MKI67: variants seen among roughly 807,000 people sequenced by gnomAD.
MKI67 encodes the protein marker of proliferation Ki-67, also known as proliferation marker protein Ki-67.
In MKI67, 152 loss-of-function variants were observed where a neutral mutation model predicts 233.5. The observed-to-expected ratio is 0.65, with a 90% CI of 0.57 to 0.74. MKI67 has a LOEUF of 0.74. MKI67 is among the 30% of genes least tolerant of loss of function. The pLI is 0.00. For synonymous variants in MKI67, 1,465 were observed against 1,418.5 expected (o/e 1.03, Z -0.74); for missense variants, 3,940 against 3,885.2 (o/e 1.01, Z -0.37).
Position 128,106,671 on chromosome 10 carries a change from A to G in MKI67, c.5169T>C (p.Thr1723=), listed in dbSNP as rs1372468725. The change falls in exon 13 of 15, where the codon ACT becomes ACC. Residue 1723 remains threonine (T), a synonymous_variant. Coordinates refer to ENST00000368654, the MANE Select transcript of MKI67 (RefSeq NM_002417.5). ...FIELFQTPSH[T]KESMTNEKTT... ...TTTTTTCGTTAGTCATTGATTCCTT[A>G]GTGTGACTTGGTGTCTGGAAGAGCT... The G allele has an allele frequency of 6.2e-7, 1 of 1,614,034 alleles. No homozygotes were observed. The highest frequency in any genetic ancestry group is 8.5e-7 in the Non-Finnish European group (1 of 1,180,018).
chr10:128,120,018 A>T (rs1049808644), intron 4 of MKI67, among the ~76,000 whole-genome samples: 4 of 152,226 alleles, frequency 2.6e-5, no homozygotes. Context: ...CCTAAGTAAG[A>T]TCTGAAGCAG....
At position 128,109,248 on chromosome 10, in the gene MKI67, C is replaced by T. The variant is rs757573007; in HGVS notation, c.2592G>A (p.Glu864=). Residue 864 remains glutamate, a synonymous_variant, in exon 13 of 15, where the codon GAG becomes GAA. Transcript: ENST00000368654. ...LETKTSDTET[E]PSKTVSTANR... is the part of the protein sequence containing the mutation. ...TTGCAGTGGATACTGTTTTTGAAGG[C>T]TCTGTCTCAGTATCTGAAGTTTTTG... 3.7e-6 allele frequency: 6 copies of T among 1,613,962 alleles called. No individual in the cohort carries two copies. Among genetic ancestry groups the T allele is most frequent in the Non-Finnish European group, 4.2e-6 (5 of 1,179,996 alleles).
intron 14 of MKI67, among the ~76,000 whole-genome samples, chr10:128,100,425 G>C (rs1466454673): frequency 6.6e-6 from 1 of 152,180 alleles, no homozygotes; most frequent in Non-Finnish European, 1.5e-5. Flanking sequence ...CTGGACAGCT[G>C]TACTTGCCAG....
Position 128,115,685 on chromosome 10 carries a change from A to G in MKI67, c.723T>C (p.Tyr241=), listed in dbSNP as rs1852787490. 6.2e-7 allele frequency: 1 copy of G among 1,613,950 alleles called. No individual in the cohort carries two copies. The highest frequency in any genetic ancestry group is 1.1e-5 in the South Asian group (1 of 91,076). ...KKNESPFWKL[Y]ESVKKELDVK... is the part of the protein sequence containing the mutation. ...CATCCAACTCTTTCTTCACTGACTC[A>G]TAAAGCTTCCAAAAGGGAGATTCAT... is the stretch of plus-strand genomic sequence containing the variant. The change falls in exon 7 of 15, where the codon TAT becomes TAC. Residue 241 remains tyrosine (Y), a synonymous_variant. Transcript: ENST00000368654.
At position 128,104,298 on chromosome 10, in the gene MKI67, C is replaced by T. The variant is rs773408406; in HGVS notation, c.7542G>A (p.Glu2514=). Residue 2514 remains glutamate, a synonymous_variant, in exon 13 of 15, where the codon GAG becomes GAA. Coordinates refer to ENST00000368654, the MANE Select transcript of MKI67 (RefSeq NM_002417.5). Reference sequence around the variant, plus strand: ...TGATGCTCTTACTATCTCCTGTTGGCTCTGTGTGTGTTTGCGTAGTCTCCC... The same window carrying T: ...TGATGCTCTTACTATCTCCTGTTGGTTCTGTGTGTGTTTGCGTAGTCTCCC... ...TSGETTQTHT[E]PTGDSKSIKA... is the part of the protein sequence containing the mutation. 6.2e-7 allele frequency: 1 copy of T among 1,614,120 alleles called. No individual in the cohort carries two copies.
At chr10:128,112,489 A>G (rs749256555) in intron 8 of MKI67, 44 bp from the exon 9 acceptor site, 1 of 1,564,392 alleles carries the variant, frequency 6.4e-7, no homozygotes, top group Non-Finnish European at 8.8e-7. Flanking sequence ...ACAAGGATCT[A>G]ACATCTCTGG....
rs780063245 is a variant in MKI67 at position 128,112,403 on chromosome 10, T to A, written c.1699A>T (p.Ile567Phe). 1.2e-6 allele frequency: 2 copies of A among 1,614,092 alleles called. No homozygotes were observed. Among genetic ancestry groups the A allele is most frequent in the African/African-American group, 2.7e-5 (2 of 74,938 alleles). The change falls in exon 9 of 15, where the codon ATC becomes TTC. Residue 567 changes from isoleucine (I) to phenylalanine (F), a missense_variant. Physicochemically the swap from Ile to Phe is conservative, Grantham distance 21 (BLOSUM62 0). Coordinates refer to ENST00000368654, the MANE Select transcript of MKI67 (RefSeq NM_002417.5). ...PSGKQESGSEIHVEVKAQSLV... is the reference protein window; with the variant it reads ...PSGKQESGSEFHVEVKAQSLV... ...CTTTGTGCCTTCACTTCCACATGGA[T>A]TTCTGAACCTGACTCTTGTTTTCCT...
At chr10:128,110,106 C>T (rs1203487856) in intron 12 of MKI67, among the ~76,000 whole-genome samples, 1 of 152,116 alleles carries the variant, frequency 6.6e-6, no homozygotes, top group African/African-American at 2.4e-5. Flanking sequence ...TTTGCTATGT[C>T]ACCCTGGTTA....
At chr10:128,116,607 T>A (rs1168132195) in intron 5 of MKI67, 71 bp from the exon 6 acceptor site, 10 of 1,416,124 alleles carry the variant, frequency 7.1e-6, no homozygotes, top group Non-Finnish European at 9.0e-6. Context: ...ACAGTGAAAA[T>A]ATTATTTATT....
chr10:128,125,736 A>ATCCGTAG lies in MKI67; in HGVS notation c.-70_-69insCTACGGA. The ATCCGTAG allele has an allele frequency of 2.2e-6, 3 of 1,344,300 alleles. No homozygotes were observed. Among genetic ancestry groups the ATCCGTAG allele is most frequent in the Non-Finnish European group, 3.2e-6 (3 of 934,960 alleles). The allele number at this position is 1,344,300 out of a possible 1,614,324, so 83.3% of individuals were successfully genotyped here. A position where few individuals can be genotyped will look rare whatever the true frequency, so the allele number is the denominator to read the frequency against. On this transcript the variant is annotated 5_prime_UTR_variant, in exon 2 of 15. Coordinates refer to ENST00000368654, the MANE Select transcript of MKI67 (RefSeq NM_002417.5). The surrounding 1 kb of genome is among the most constrained non-coding windows in gnomAD (Gnocchi z 5.3). The stretch of plus-strand genomic sequence containing the variant: ...GTATAATCCGTAGGGGAAGGCCAGA[A>ATCCGTAG]GCAAATTTACAACTCTTCCACTGCA...
intron 5 of MKI67, among the ~76,000 whole-genome samples, chr10:128,118,268 C>T (rs1185994597): frequency 6.6e-6 from 1 of 151,954 alleles, no homozygotes; most frequent in Non-Finnish European, 1.5e-5. Context: ...TGGTGGTGTG[C>T]ACCTGTAGTC....
chr10:128,110,384 T>C lies in MKI67; in HGVS notation c.2410A>G (p.Ser804Gly). The C allele has an allele frequency of 6.4e-7, 1 of 1,563,252 alleles. No homozygotes were observed. Among genetic ancestry groups the C allele is most frequent in the Non-Finnish European group, 8.8e-7 (1 of 1,142,634 alleles). Reference sequence around the variant, plus strand: ...AGGAAACAAGGAAACCAACCAAAACTCTCTGAGGTGGGGAGCAGAGGTTCT... The same window carrying C: ...AGGAAACAAGGAAACCAACCAAAACCCTCTGAGGTGGGGAGCAGAGGTTCT... ...GEEPLLPTSE[S>G]FGGNVFFSAQ... is the part of the protein sequence containing the mutation. The change falls in exon 12 of 15, where the codon AGT becomes GGT. Residue 804 changes from serine (S) to glycine (G), a missense_variant. By Grantham distance (56) the Ser-to-Gly change is moderately conservative. Transcript: ENST00000368654.
At chr10:128,100,358 G>C (rs1423527036) in intron 14 of MKI67, among the ~76,000 whole-genome samples, 1 of 152,082 alleles carries the variant, frequency 6.6e-6, no homozygotes, top group African/African-American at 2.4e-5. Flanking sequence ...GGACACCTGG[G>C]AATCTTTCCT....
In MKI67 at chr10:128,103,892, C is replaced by T. The variant is rs760543575; in HGVS notation, c.7948G>A (p.Ala2650Thr). The T allele has an allele frequency of 4.3e-6, 7 of 1,613,912 alleles. No individual in the cohort carries two copies. The highest frequency in any genetic ancestry group is 5.1e-6 in the Non-Finnish European group (6 of 1,180,006). Residue 2650 changes from alanine (A) to threonine (T), a missense_variant, in exon 13 of 15, where the codon GCA becomes ACA. By Grantham distance (58) the Ala-to-Thr change is moderately conservative (BLOSUM62 0). Transcript: ENST00000368654. ...DEGIKVLKQR[A>T]KKKPNPVEEE... ...TCTACTGGGTTTGGTTTCTTCTTTG[C>T]ACGTTGCTTCAATACTTTGATGCCC...
At position 128,104,945 on chromosome 10, in the gene MKI67, T is replaced by C. The variant is rs767936976; in HGVS notation, c.6895A>G (p.Ser2299Gly). 3 of 1,613,798 alleles carry C rather than the reference T, an allele frequency of 1.9e-6. No homozygotes were observed. In the East Asian group the frequency reaches 6.7e-5, roughly 36 times the overall value. The change falls in exon 13 of 15, where the codon AGC (serine) becomes GGC (glycine). Residue 2299 changes from serine (S) to glycine (G), a missense_variant. Coordinates refer to ENST00000368654, the MANE Select transcript of MKI67 (RefSeq NM_002417.5). ...TTAGGAGTTTGTGGCCATCTTTTGC[T>C]GCCAGGTAAATTTCCTGGCAGGTCC... ...KLDLPGNLPG[S>G]KRWPQTPKEK...
In MKI67 at chr10:128,105,238, A is replaced by G. The variant is rs1852454150; in HGVS notation, c.6602T>C (p.Phe2201Ser). The G allele has an allele frequency of 1.2e-6, 2 of 1,613,898 alleles. No individual in the cohort carries two copies. Among genetic ancestry groups the G allele is most frequent in the Middle Eastern group, 1.7e-4 (1 of 6,060 alleles). ...CTTGTCAGTGCATATTGGTGTCTGGAAGAGCTCTTTCAAGCCAGCCAAGTC... is the reference window on the plus strand; with the variant it reads ...CTTGTCAGTGCATATTGGTGTCTGGGAGAGCTCTTTCAAGCCAGCCAAGTC... ...LEDLAGLKEL[F>S]QTPICTDKPT... The change falls in exon 13 of 15, where the codon TTC (phenylalanine) becomes TCC (serine). Residue 2201 changes from phenylalanine (F) to serine (S), a missense_variant. Transcript: ENST00000368654.
chr10:128,113,393 T>C (rs1565010731), intron 8 of MKI67, 34 bp downstream of exon 8: 1 of 1,608,848 alleles, frequency 6.2e-7, no homozygotes, highest in Non-Finnish European at 8.5e-7. Flanking sequence ...TGTGAGCCAC[T>C]GGGCGTGAAT....
In MKI67 at chr10:128,109,139, C is replaced by G. The variant is rs776832025; in HGVS notation, c.2701G>C (p.Val901Leu). ...TGACCTCTTTTTAGGATGCACTCAACAATTTCTGTATTTGTTTCTTCACTC... is the reference window on the plus strand; with the variant it reads ...TGACCTCTTTTTAGGATGCACTCAAGAATTTCTGTATTTGTTTCTTCACTC... Reference protein sequence around the residue: ...SKSEETNTEIVECILKRGQKA... With the variant: ...SKSEETNTEILECILKRGQKA... The change falls in exon 13 of 15, where the codon GTT becomes CTT. Residue 901 changes from valine to leucine, a missense_variant. By Grantham distance (32) the Val-to-Leu change is conservative. Coordinates refer to ENST00000368654, the MANE Select transcript of MKI67 (RefSeq NM_002417.5). The G allele has an allele frequency of 3.1e-6, 5 of 1,614,148 alleles. No homozygotes were observed. The highest frequency in any genetic ancestry group is 3.3e-5 in the Admixed American group (2 of 60,024).
At position 128,111,697 on chromosome 10, in the gene MKI67, C is replaced by T. The variant is rs1187531785; in HGVS notation, c.2208G>A (p.Val736=). The T allele has an allele frequency of 2.5e-6, 4 of 1,613,810 alleles. No individual in the cohort carries two copies. The highest frequency in any genetic ancestry group is 2.5e-6 in the Non-Finnish European group (3 of 1,179,946). ...KVHVPARPYR[V]LNNFISNQKM... ...TTTGGTTGGAAATGAAGTTGTTGAG[C>T]ACTCTGTAGGGTCGAGCAGGCACAT... The change falls in exon 11 of 15, where the codon GTG becomes GTA. Residue 736 remains valine (V), a synonymous_variant. Coordinates refer to ENST00000368654, the MANE Select transcript of MKI67 (RefSeq NM_002417.5).
Sources: gnomAD v4.1 joint callset for allele counts (sites outside exome capture counted in the v4.1 genomes callset) on GRCh38, gnomAD v4.1.1 for gene constraint, Gnocchi (gnomAD v3.1) non-coding constraint, MANE v1.5 for transcripts, NCBI Gene and HGNC (gene_info 2026-07-23, HGNC 2026-07-21) for gene names.